The following HSDL2 variants were observed in gnomAD, a reference collection of about 807,000 sequenced individuals.
The protein encoded by HSDL2 is hydroxysteroid dehydrogenase-like protein 2.
Under a neutral mutation model 46.3 loss-of-function variants are expected in HSDL2, and 27 were observed. The observed-to-expected ratio is 0.58, with a 90% confidence interval of 0.43 to 0.80. HSDL2 has a LOEUF of 0.80. Among genes scored for constraint, HSDL2 ranks in the 30% least tolerant of loss-of-function variants. The pLI, the probability that HSDL2 is intolerant of heterozygous loss-of-function variation, is 0.00. For missense variants in HSDL2, 451 were observed against 502.7 expected (o/e 0.90, Z 0.98); for synonymous variants, 153 against 163.6 (o/e 0.94, Z 0.50).
At position 112,417,960 on chromosome 9, in the gene HSDL2, C is replaced by A. The variant is rs942185447; in HGVS notation, c.500-900C>A. Among the ~76,000 whole-genome samples, 8 of 152,102 alleles carry A rather than the reference C, an allele frequency of 5.3e-5. No homozygotes were observed. The South Asian group carries it at 8.3e-4, about 16-fold the overall frequency. ...GGGCATGGTGGTGCACACCTGTAAT[C>A]CCAGCTACTCGGAGGATGAGGCACA... On this transcript the variant is annotated intron_variant, in intron 5 of 10. Transcript: ENST00000398805.
chr9:112,439,656 C>T lies in HSDL2; in HGVS notation c.793+1031C>T, dbSNP rs780990723. 7.1e-4 allele frequency among the ~76,000 whole-genome samples: 108 copies of T among 152,284 alleles called. No individual in the cohort carries two copies. In the Middle Eastern group the frequency reaches 0.01, roughly 14 times the overall value. ...CAAACCACGTTTATATTTGTATCAT[C>T]CCTGCTCATCTCTGCAGTTCAAACT... On this transcript the variant is annotated intron_variant, in intron 7 of 10. Coordinates refer to ENST00000398805, the MANE Select transcript of HSDL2 (RefSeq NM_032303.5).
chr9:112,443,632 A>G (rs1216908166), intron 8 of HSDL2, among the ~76,000 whole-genome samples: 3 of 152,214 alleles, frequency 2.0e-5, no homozygotes, highest in Non-Finnish European at 4.4e-5. Flanking sequence ...CAGGAGACTG[A>G]AGCAGGAGGA....
intron 8 of HSDL2, among the ~76,000 whole-genome samples, chr9:112,448,922 TA>T (rs1832812678): frequency 1.3e-5 from 2 of 152,080 alleles, no homozygotes; most frequent in Non-Finnish European, 2.9e-5. Context: ...TTTCTGAAGT[TA>T]TTTCTTTCAA....
chr9:112,422,612 T>C (rs1832149614), intron 6 of HSDL2, among the ~76,000 whole-genome samples: 1 of 152,068 alleles, frequency 6.6e-6, no homozygotes, highest in African/African-American at 2.4e-5. Context: ...AGAAGACACA[T>C]CCGGGGAACT....
chr9:112,389,140 A>C (rs560648290), intron 1 of HSDL2, among the ~76,000 whole-genome samples: 1 of 151,954 alleles, frequency 6.6e-6, no homozygotes, highest in Admixed American at 6.6e-5. Context: ...AGTCTTCCTG[A>C]CTGAGCCTCC....
chr9:112,389,834 G>A (rs1400854659), intron 1 of HSDL2, among the ~76,000 whole-genome samples: 1 of 152,158 alleles, frequency 6.6e-6, no homozygotes, highest in African/African-American at 2.4e-5. Flanking sequence ...GGAAGCCGAG[G>A]CCGGTGGATC....
intron 6 of HSDL2, among the ~76,000 whole-genome samples, chr9:112,423,781 T>C (rs185530779): frequency 6.6e-6 from 1 of 151,956 alleles, no homozygotes; most frequent in Non-Finnish European, 1.5e-5. Flanking sequence ...AGTGGCACAA[T>C]TAGCTCACTG....
chr9:112,413,026 T>TA lies in HSDL2; in HGVS notation c.396-3805dup, dbSNP rs959841902. 6.4e-4 allele frequency among the ~76,000 whole-genome samples: 96 copies of TA among 148,846 alleles called. No individual in the cohort carries two copies. The East Asian group carries it at 8.0e-3, about 12-fold the overall frequency. On this transcript the variant is annotated intron_variant, in intron 4 of 10. Transcript: ENST00000398805. Reference sequence around the variant, plus strand: ...GTTCCTACCTTTATAAACAGCCACTTAAAAAAAAAACACTAAATAAAATTA... The same window carrying TA: ...GTTCCTACCTTTATAAACAGCCACTTAAAAAAAAAAACACTAAATAAAATTA...
At chr9:112,418,837 A>G (rs770969333) in intron 5 of HSDL2, 23 bp from the exon 6 acceptor site, 15 of 1,305,380 alleles carry the variant, frequency 1.1e-5, no homozygotes, top group Middle Eastern at 4.0e-4. Context: ...TAATTAAATT[A>G]TTATTTTTTG....
chr9:112,414,023 G>T, intron 4 of HSDL2: 1 of 232,990 alleles, frequency 4.3e-6, no homozygotes, highest in Non-Finnish European at 8.6e-6. Context: ...GTAACTTGTG[G>T]AATGCTGAGA....
Position 112,470,702 on chromosome 9 carries a change from A to C in HSDL2, c.*158A>C. Reference sequence around the variant, plus strand: ...TGTCTCTAAAAGACTTGAAATTGTAATTAAAATGGCAAGCTAATCAAACAT... The same window carrying C: ...TGTCTCTAAAAGACTTGAAATTGTACTTAAAATGGCAAGCTAATCAAACAT... On this transcript the variant is annotated 3_prime_UTR_variant, in exon 11 of 11. Coordinates refer to ENST00000398805, the MANE Select transcript of HSDL2 (RefSeq NM_032303.5). 2.0e-6 allele frequency: 1 copy of C among 511,662 alleles called. No homozygotes were observed. Among genetic ancestry groups the C allele is most frequent in the Non-Finnish European group, 3.4e-6 (1 of 290,628 alleles). The allele number at this position is 511,662 out of a possible 1,614,324, so 31.7% of individuals were successfully genotyped here.
Position 112,471,132 on chromosome 9 carries a change from A to G in HSDL2, c.*588A>G, listed in dbSNP as rs1423102433. On this transcript the variant is annotated 3_prime_UTR_variant, in exon 11 of 11. Transcript: ENST00000398805. ...GAAAATATTACTAATGTAATTTAAC[A>G]AATTGCTGCATGTATTCCATTTAAA... 6.6e-6 allele frequency: 1 copy of G among 152,270 alleles called. No homozygotes were observed. The highest frequency in any genetic ancestry group is 1.5e-5 in the Non-Finnish European group (1 of 68,062). 9.4% of individuals were successfully genotyped at this position (152,270 alleles called of 1,614,324 possible). A position where few individuals can be genotyped will look rare whatever the true frequency, so the allele number is the denominator to read the frequency against.
chr9:112,406,141 A>G (rs1332455328), intron 3 of HSDL2, among the ~76,000 whole-genome samples: 8 of 151,334 alleles, frequency 5.3e-5, no homozygotes, highest in Non-Finnish European at 1.0e-4. Flanking sequence ...AGCCTGGGTG[A>G]CAGAGCAAGA....
At chr9:112,419,857 A>G (rs1278910293) in intron 6 of HSDL2, among the ~76,000 whole-genome samples, 1 of 152,204 alleles carries the variant, frequency 6.6e-6, no homozygotes, top group African/African-American at 2.4e-5. Context: ...GCAATAAGAT[A>G]TATAAAAATG....
chr9:112,401,485 G>A lies in HSDL2; in HGVS notation c.18-2510G>A, dbSNP rs1225917597. On this transcript the variant is annotated intron_variant, in intron 1 of 10. Coordinates refer to ENST00000398805, the MANE Select transcript of HSDL2 (RefSeq NM_032303.5). ...AAAAAAAAAGTAGCAGAGAGCTAATGTTTTACCTAATTGGGATTCAAAATT... is the reference window on the plus strand; with the variant it reads ...AAAAAAAAAGTAGCAGAGAGCTAATATTTTACCTAATTGGGATTCAAAATT... Among the ~76,000 whole-genome samples the A allele has an allele frequency of 3.5e-5, 5 of 141,696 alleles. No individual in the cohort carries two copies. The Admixed American group carries it at 3.5e-4, about 10-fold the overall frequency. 93.0% of individuals were successfully genotyped at this position (141,696 alleles called of 152,430 possible). A position where few individuals can be genotyped will look rare whatever the true frequency, so the allele number is the denominator to read the frequency against.
intron 1 of HSDL2, among the ~76,000 whole-genome samples, chr9:112,393,308 G>T (rs112681105): frequency 0.013 from 2,003 of 152,296 alleles, 74 homozygotes; most frequent in East Asian, 0.1. Context: ...TACCCAGCAG[G>T]TGTCCTTTGA....
chr9:112,456,633 G>A (rs1475725046), intron 9 of HSDL2, among the ~76,000 whole-genome samples: 4 of 152,020 alleles, frequency 2.6e-5, no homozygotes, highest in East Asian at 1.9e-4. Flanking sequence ...CCATTCACGC[G>A]GCTTCAATGA....
intron 1 of HSDL2, among the ~76,000 whole-genome samples, chr9:112,386,403 C>A (rs1262556808): frequency 6.6e-6 from 1 of 151,912 alleles, no homozygotes; most frequent in East Asian, 1.9e-4. Context: ...TATTATCCTG[C>A]ACAGAAAACC....
At chr9:112,409,528 T>G (rs1306340315) in intron 4 of HSDL2, among the ~76,000 whole-genome samples, 3 of 152,122 alleles carry the variant, frequency 2.0e-5, no homozygotes, top group Non-Finnish European at 2.9e-5. Context: ...GAGCTCCTTT[T>G]CTCTATGAAT....
Sources: allele counts gnomAD v4.1 joint callset (sites outside exome capture counted in the v4.1 genomes callset), GRCh38; gene constraint gnomAD v4.1.1; transcripts MANE v1.5; gene names NCBI Gene and HGNC (gene_info 2026-07-23, HGNC 2026-07-21).